The following THADA variants were observed in gnomAD, a reference collection of about 807,000 sequenced individuals.
THADA encodes the protein THADA armadillo repeat containing.
THADA carries 213 observed loss-of-function variants against 219.8 expected under a neutral mutation model. That is an observed-to-expected ratio of 0.97 (90% CI 0.87 to 1.09). The LOEUF is 1.09. Among genes scored for constraint, THADA ranks in the 50% least tolerant of loss-of-function variants. The probability of loss-of-function intolerance (pLI) is 0.00; values close to 1 mark genes in which losing one functional copy is unlikely to be tolerated. For missense variants in THADA, 2,956 were observed against 2,311.3 expected, an observed-to-expected ratio of 1.28 and a Z score of -5.72; for synonymous variants, 1,018 against 828.9, an observed-to-expected ratio of 1.23 and a Z score of -3.92.
At chr2:43,241,666 GGT>G (rs1295585924) in intron 36 of THADA, among the ~76,000 whole-genome samples, 50 of 152,066 alleles carry the variant, frequency 3.3e-4, no homozygotes, top group African/African-American at 1.2e-3. Flanking sequence ...ATCAGACTGT[GGT>G]GTCTCTAGGC....
At chr2:43,436,194 G>A (rs1656460579) in intron 26 of THADA, among the ~76,000 whole-genome samples, 1 of 152,102 alleles carries the variant, frequency 6.6e-6, no homozygotes, top group Admixed American at 6.5e-5. Flanking sequence ...TGCAAGTAGG[G>A]AGCAACTGGA....
intron 8 of THADA, 119 bp from the exon 9 acceptor site, chr2:43,578,726 T>C: frequency 5.5e-6 from 3 of 544,334 alleles, no homozygotes; most frequent in Non-Finnish European, 3.2e-6. Context: ...GACCACTTCC[T>C]GGGTGAATAG....
intron 28 of THADA, among the ~76,000 whole-genome samples, chr2:43,414,614 G>A (rs1676715196): frequency 6.6e-6 from 1 of 152,036 alleles, no homozygotes; most frequent in African/African-American, 2.4e-5. Context: ...TTGACCTTTG[G>A]GATTTTTACA....
chr2:43,248,578 G>A (rs1339908671), intron 36 of THADA, among the ~76,000 whole-genome samples: 1 of 152,152 alleles, frequency 6.6e-6, no homozygotes, highest in African/African-American at 2.4e-5. Flanking sequence ...TAGGAGTTAC[G>A]ATGGAAAATA....
chr2:43,472,528 T>C (rs1385541942), intron 26 of THADA, among the ~76,000 whole-genome samples: 1 of 152,244 alleles, frequency 6.6e-6, no homozygotes, highest in East Asian at 1.9e-4. Context: ...AATTAAAGCA[T>C]GAAAGAGATG....
At chr2:43,396,325 C>T (rs999320139) in intron 29 of THADA, among the ~76,000 whole-genome samples, 12 of 152,122 alleles carry the variant, frequency 7.9e-5, no homozygotes, top group African/African-American at 2.4e-4. Context: ...ACATTTTCCC[C>T]GATTTCCTAG....
intron 1 of THADA, among the ~76,000 whole-genome samples, chr2:43,593,166 T>C (rs186002947): frequency 4.6e-5 from 7 of 152,276 alleles, no homozygotes; most frequent in Non-Finnish European, 5.9e-5. Flanking sequence ...GAAGGACATG[T>C]TGAATGATGG....
chr2:43,365,462 T>A (rs983339988), intron 29 of THADA, among the ~76,000 whole-genome samples: 14 of 151,424 alleles, frequency 9.2e-5, no homozygotes, highest in Non-Finnish European at 1.5e-4. Flanking sequence ...TCCCAGCTAC[T>A]AGGGAGGCTG....
chr2:43,264,832 C>CT (rs1347285537), intron 36 of THADA, among the ~76,000 whole-genome samples: 2 of 152,206 alleles, frequency 1.3e-5, no homozygotes, highest in Non-Finnish European at 2.9e-5. Context: ...GCACCCATCT[C>CT]TGAGTTCTAC....
At chr2:43,293,407 T>C (rs146284743) in intron 31 of THADA, among the ~76,000 whole-genome samples, 194 bp from the exon 32 acceptor site, 2 of 152,126 alleles carry the variant, frequency 1.3e-5, no homozygotes, top group Non-Finnish European at 2.9e-5. Flanking sequence ...ATTTAGGTAA[T>C]GTATAATTTT....
intron 31 of THADA, among the ~76,000 whole-genome samples, chr2:43,308,897 T>TTGTGACCTTG (rs1677185723): frequency 6.6e-6 from 1 of 152,116 alleles, no homozygotes; most frequent in African/African-American, 2.4e-5. Flanking sequence ...GGGAGCATCT[T>TTGTGACCTTG]TGTGACCTTG....
intron 7 of THADA, among the ~76,000 whole-genome samples, chr2:43,583,912 C>A (rs962681750): frequency 6.6e-6 from 1 of 151,474 alleles, no homozygotes; most frequent in African/African-American, 2.4e-5. Context: ...TAGTGGCGGA[C>A]GTCTGTGGGC....
At chr2:43,398,414 C>A (rs540569924) in intron 28 of THADA, among the ~76,000 whole-genome samples, 16 of 152,248 alleles carry the variant, frequency 1.1e-4, no homozygotes, top group African/African-American at 3.6e-4. Flanking sequence ...TAGCAAAAAA[C>A]AACTTACTTG....
chr2:43,508,378 G>GATGT (rs1344941440), intron 23 of THADA, among the ~76,000 whole-genome samples: 1 of 152,074 alleles, frequency 6.6e-6, no homozygotes, highest in African/African-American at 2.4e-5. Context: ...GTGCCACAGT[G>GATGT]ATGTCTGCCT....
At chr2:43,466,355 G>C (rs1181926475) in intron 26 of THADA, among the ~76,000 whole-genome samples, 2 of 152,118 alleles carry the variant, frequency 1.3e-5, no homozygotes, top group African/African-American at 4.8e-5. Context: ...TGCCCCTACA[G>C]TTTTCTTCAC....
Position 43,381,097 on chromosome 2 carries a change from C to CAAAA in THADA, c.4227+16870_4227+16873dup, listed in dbSNP as rs58711910. ...CGGGCGAGACAGAGCGAGACTTTGT[C>CAAAA]AAAAAAAAAAAAAAAAAAAAAAAAG... On this transcript the variant is annotated intron_variant, in intron 29 of 37. Coordinates refer to ENST00000405975, the MANE Select transcript of THADA (RefSeq NM_022065.5). Among the ~76,000 whole-genome samples, 251 of 54,194 alleles carry CAAAA rather than the reference C, an allele frequency of 4.6e-3. 4 individuals carry two copies. Among genetic ancestry groups the CAAAA allele is most frequent in the African/African-American group, 8.9e-3 (107 of 12,086 alleles). 35.6% of individuals were successfully genotyped at this position (54,194 alleles called of 152,430 possible). A position where few individuals can be genotyped will look rare whatever the true frequency, so the allele number is the denominator to read the frequency against.
rs146469603 is a variant in THADA, at chr2:43,363,344, C to T, written c.4228-19107G>A. On this transcript the variant is annotated intron_variant, in intron 29 of 37. Transcript: ENST00000405975. ...CATTAGGCAATAAAAATTTTTTAGC[C>T]CCATTATAATCTTATGGGACCACTG... Among the ~76,000 whole-genome samples, 119 of 152,142 alleles carry T rather than the reference C, an allele frequency of 7.8e-4. No homozygotes were observed. In the East Asian group the frequency reaches 0.019, roughly 25 times the overall value.
At chr2:43,476,453 A>C (rs1160241967) in intron 26 of THADA, among the ~76,000 whole-genome samples, 1 of 152,176 alleles carries the variant, frequency 6.6e-6, no homozygotes, top group Non-Finnish European at 1.5e-5. Context: ...CAAAAGAATC[A>C]ATCCTCTTTA....
Position 43,293,112 on chromosome 2 carries a change from G to T in THADA, c.4540C>A (p.Gln1514Lys). The T allele has an allele frequency of 6.2e-7, 1 of 1,613,988 alleles. No homozygotes were observed. Among genetic ancestry groups the T allele is most frequent in the Non-Finnish European group, 8.5e-7 (1 of 1,179,894 alleles). The change falls in exon 32 of 38, where the codon CAG (glutamine) becomes AAG (lysine). Residue 1514 changes from glutamine (Q) to lysine (K), a missense_variant. Transcript: ENST00000405975. The part of the protein sequence containing the change: ...PWAFKVPGLP[Q>K]YLQSLTRLAI... Reference sequence around the variant, plus strand: ...AGTCTGGTGAGGCTCTGGAGGTACTGGGGCAGGCCTGGCACCTTGAAGGCC... The same window carrying T: ...AGTCTGGTGAGGCTCTGGAGGTACTTGGGCAGGCCTGGCACCTTGAAGGCC...
Sources: allele counts gnomAD v4.1 joint callset (sites outside exome capture counted in the v4.1 genomes callset), GRCh38; gene constraint gnomAD v4.1.1; transcripts MANE v1.5; gene names NCBI Gene and HGNC (gene_info 2026-07-23, HGNC 2026-07-21).